Variants in OSBPL10 observed in about 807,000 individuals in gnomAD.
OSBPL10 encodes oxysterol-binding protein-related protein 10.
In OSBPL10, 49 loss-of-function variants were observed where a neutral mutation model predicts 81.7. The ratio of observed to expected loss-of-function variants is 0.60; its 90% CI spans 0.48 to 0.76. The LOEUF (loss-of-function observed/expected upper bound fraction) is 0.76. Ranked by LOEUF, OSBPL10 falls within the 30% of genes least tolerant of loss-of-function variation. The probability of loss-of-function intolerance (pLI) is 0.00; values close to 1 mark genes in which losing one functional copy is unlikely to be tolerated. For missense variants in OSBPL10, 923 were observed against 987.8 expected (o/e 0.93, Z 0.88); for synonymous variants, 419 against 383.6 (o/e 1.09, Z -1.08).
chr3:31,917,221 G>A (rs950000735), intron 1 of OSBPL10, among the ~76,000 whole-genome samples: 2 of 152,176 alleles, frequency 1.3e-5, no homozygotes, highest in Non-Finnish European at 2.9e-5. Flanking sequence ...CATGTGAGGT[G>A]GGGCCAAGGG....
At chr3:31,716,550 T>C (rs1001770940) in intron 6 of OSBPL10, among the ~76,000 whole-genome samples, 2 of 152,118 alleles carry the variant, frequency 1.3e-5, no homozygotes, top group African/African-American at 2.4e-5. Flanking sequence ...CAGAGAAAAG[T>C]AGCAGGTGTG....
At chr3:31,747,799 A>C (rs751954403) in intron 5 of OSBPL10, 111 bp downstream of exon 5, 56 of 1,135,802 alleles carry the variant, frequency 4.9e-5, no homozygotes, top group Non-Finnish European at 7.1e-5. Context: ...GGATATAAGG[A>C]TAGATGGATG....
intron 1 of OSBPL10, among the ~76,000 whole-genome samples, chr3:31,954,733 G>A (rs1045193531): frequency 1.3e-5 from 2 of 152,102 alleles, no homozygotes; most frequent in Non-Finnish European, 2.9e-5. Context: ...GTACACTTAG[G>A]ATTTGTGCAT....
At chr3:31,758,045 G>C (rs1407651374) in intron 4 of OSBPL10, among the ~76,000 whole-genome samples, 1 of 152,172 alleles carries the variant, frequency 6.6e-6, no homozygotes, top group Non-Finnish European at 1.5e-5. Flanking sequence ...CATCAATGGA[G>C]AAGGCACAAA....
At chr3:31,831,924 G>A (rs1700252826) in intron 3 of OSBPL10, among the ~76,000 whole-genome samples, 1 of 152,216 alleles carries the variant, frequency 6.6e-6, no homozygotes, top group Non-Finnish European at 1.5e-5. Context: ...ATATGTCCCT[G>A]TTAGTCACCG....
rs188731243 is a variant in OSBPL10 at position 31,792,106 on chromosome 3, G to A, written c.729+37934C>T. Among the ~76,000 whole-genome samples, 198 of 152,062 alleles carry A rather than the reference G, an allele frequency of 1.3e-3. 1 individual carries two copies. Among genetic ancestry groups the A allele is most frequent in the African/African-American group, 4.5e-3 (187 of 41,486 alleles). On this transcript the variant is annotated intron_variant, in intron 4 of 11. Transcript: ENST00000396556. ...TAGCCAGGTGTGGTGGCGCACATCTGCGGTCCCAGCTACTCGTGACACTGA... is the reference window on the plus strand; with the variant it reads ...TAGCCAGGTGTGGTGGCGCACATCTACGGTCCCAGCTACTCGTGACACTGA...
At chr3:31,966,683 G>A (rs2125480924) in intron 1 of OSBPL10, among the ~76,000 whole-genome samples, 1 of 151,038 alleles carries the variant, frequency 6.6e-6, no homozygotes, top group Admixed American at 6.6e-5. Context: ...ATAAAAAATG[G>A]ATCACTTCTT....
intron 1 of OSBPL10, among the ~76,000 whole-genome samples, chr3:31,925,119 CT>C (rs1421436585): frequency 6.6e-6 from 1 of 152,188 alleles, no homozygotes; most frequent in East Asian, 1.9e-4. Flanking sequence ...GACCTATTTC[CT>C]CTAAGTAGTA....
At chr3:31,966,347 T>C (rs1315061104) in intron 1 of OSBPL10, among the ~76,000 whole-genome samples, 1 of 151,708 alleles carries the variant, frequency 6.6e-6, no homozygotes, top group Admixed American at 6.6e-5. Context: ...ACTAAATGTT[T>C]ACATTAGAAA....
At chr3:31,953,919 C>T (rs1048331232) in intron 1 of OSBPL10, among the ~76,000 whole-genome samples, 2 of 152,168 alleles carry the variant, frequency 1.3e-5, no homozygotes, top group Non-Finnish European at 2.9e-5. Context: ...AACAGAATGA[C>T]GCCTTTTTCC....
At chr3:31,717,256 G>A (rs1042139252) in intron 6 of OSBPL10, 1 of 152,110 alleles carries the variant, frequency 6.6e-6, no homozygotes, top group Non-Finnish European at 1.5e-5. Flanking sequence ...AATCAAGCAA[G>A]TCCACCCCAT....
rs150306312 is a variant in OSBPL10, at chr3:32,007,855, C to T, written n.298+38636G>A. ...CCGAGTAGCTGGGATTACAGGTGCC[C>T]GCGACCACCCTGGCTAATTTTGTAT... On this transcript the variant is annotated intron_variant and non_coding_transcript_variant, in intron 2 of 3. Coordinates refer to the OSBPL10 transcript ENST00000479173. Among the ~76,000 whole-genome samples, 1,202 of 151,988 alleles carry T rather than the reference C, an allele frequency of 7.9e-3. 17 individuals are homozygous for T. Among genetic ancestry groups the T allele is most frequent in the African/African-American group, 0.028 (1,148 of 41,474 alleles).
intron 8 of OSBPL10, among the ~76,000 whole-genome samples, chr3:31,675,606 T>A (rs1430892972): frequency 6.6e-6 from 1 of 152,142 alleles, no homozygotes; most frequent in Non-Finnish European, 1.5e-5. Context: ...TACTCCTCAT[T>A]CTTTAAAGCA....
At chr3:32,054,426 A>G (rs557757008) in intron 1 of OSBPL10, among the ~76,000 whole-genome samples, 1 of 151,856 alleles carries the variant, frequency 6.6e-6, no homozygotes, top group South Asian at 2.1e-4. Flanking sequence ...TGAAACTCCT[A>G]TAATTCTTAT....
In OSBPL10 at chr3:31,892,130, C is replaced by A. The variant is rs551119448; in HGVS notation, c.282-12300G>T. 6.6e-5 allele frequency among the ~76,000 whole-genome samples: 10 copies of A among 151,992 alleles called. No individual in the cohort carries two copies. In the South Asian group the frequency reaches 1.5e-3, roughly 22 times the overall value. ...TGTCTGGAGACGGAGGAACTGAGAT[C>A]TGAGGTGTGAAGAAATGGACTCGGG... On this transcript the variant is annotated intron_variant, in intron 1 of 11. Transcript: ENST00000396556.
chr3:31,906,285 GA>G (rs1201306093), intron 1 of OSBPL10, among the ~76,000 whole-genome samples: 1 of 152,104 alleles, frequency 6.6e-6, no homozygotes, highest in Non-Finnish European at 1.5e-5. Flanking sequence ...AAAAAACTGG[GA>G]AATCCTTTGG....
rs1457826223 is a variant in OSBPL10 at position 31,662,832 on chromosome 3, A to T, written c.2251-716T>A. 2.8e-5 allele frequency: 28 copies of T among 985,354 alleles called. 1 individual carries two copies. The highest frequency in any genetic ancestry group is 4.8e-6 in the Non-Finnish European group (4 of 829,964). 61.0% of individuals were successfully genotyped at this position (985,354 alleles called of 1,614,324 possible). A position where few individuals can be genotyped will look rare whatever the true frequency, so the allele number is the denominator to read the frequency against. On this transcript the variant is annotated intron_variant, in intron 11 of 11. Transcript: ENST00000396556. The stretch of plus-strand genomic sequence containing the variant: ...CCAGACAAACTAGCTCTCTCAAGCT[A>T]CTAGCTCCCTCAAGAGAAAAGGGAG...
intron 3 of OSBPL10, among the ~76,000 whole-genome samples, chr3:31,859,508 A>G (rs1392589658): frequency 1.3e-5 from 2 of 152,352 alleles, no homozygotes; most frequent in Admixed American, 6.5e-5. Context: ...GGTTGTTCTC[A>G]TCAGTGCCAC....
At chr3:31,960,900 T>C (rs1297061957) in intron 1 of OSBPL10, among the ~76,000 whole-genome samples, 1 of 152,100 alleles carries the variant, frequency 6.6e-6, no homozygotes, top group Non-Finnish European at 1.5e-5. Flanking sequence ...GAAAATAGAT[T>C]ACAAGGTCTA....
Sources: allele counts gnomAD v4.1 joint callset (sites outside exome capture counted in the v4.1 genomes callset), GRCh38; gene constraint gnomAD v4.1.1; transcripts MANE v1.5; gene names NCBI Gene and HGNC (gene_info 2026-07-23, HGNC 2026-07-21).